Variants in RPS6KC1 observed in about 807,000 individuals in gnomAD.
The protein encoded by RPS6KC1 is ribosomal protein S6 kinase C1.
RPS6KC1 carries 54 observed loss-of-function variants against 103.8 expected under a neutral mutation model. The observed-to-expected ratio is 0.52, with a 90% CI of 0.42 to 0.65. The LOEUF is 0.65. Among genes scored for constraint, RPS6KC1 ranks in the 30% least tolerant of loss-of-function variants. RPS6KC1 has a pLI of 0.00. For synonymous variants in RPS6KC1, 439 were observed against 438.7 expected, an observed-to-expected ratio of 1.00 and a Z score of -0.01; for missense variants, 1,151 against 1,253.8, an observed-to-expected ratio of 0.92 and a Z score of 1.24.
At chr1:213,052,658 A>T (rs2077046775) in intron 1 of RPS6KC1, among the ~76,000 whole-genome samples, 1 of 152,006 alleles carries the variant, frequency 6.6e-6, no homozygotes, top group South Asian at 2.1e-4. Context: ...CTCCTACCTC[A>T]GCCTCCCGAG....
the RPS6KC1 span, among the ~76,000 whole-genome samples, chr1:213,314,329 C>T: frequency 0.037 from 5,692 of 152,328 alleles, 140 homozygotes; most frequent in Middle Eastern, 0.065. Flanking sequence ...GAGGTTAGGA[C>T]TTCAACATAG....
intron 10 of RPS6KC1, among the ~76,000 whole-genome samples, chr1:213,237,254 A>G (rs2094242806): frequency 6.6e-6 from 1 of 152,130 alleles, no homozygotes; most frequent in Non-Finnish European, 1.5e-5. Context: ...GTGAATGTAA[A>G]TGCTGGCTCA....
intron 11 of RPS6KC1, 94 bp downstream of exon 11, chr1:213,242,391 C>G: frequency 7.1e-7 from 1 of 1,403,160 alleles, no homozygotes; most frequent in South Asian, 1.2e-5. Flanking sequence ...TCTTCATTTC[C>G]TGTCTAGAGC....
Position 213,189,536 on chromosome 1 carries a change from A to G in RPS6KC1, c.1044+13044A>G, listed in dbSNP as rs11120099. On this transcript the variant is annotated intron_variant, in intron 8 of 14. Coordinates refer to ENST00000366960, the MANE Select transcript of RPS6KC1 (RefSeq NM_012424.6). The stretch of plus-strand genomic sequence containing the variant: ...TTTTTAATTTTTGTGGGTACATAGT[A>G]GGTGTATGAATTTATGGGTTATATG... 3.5e-3 allele frequency among the ~76,000 whole-genome samples: 531 copies of G among 151,592 alleles called. 3 individuals are homozygous for G. Among genetic ancestry groups the G allele is most frequent in the African/African-American group, 0.012 (500 of 41,330 alleles).
chr1:213,713,493 G>A, the RPS6KC1 span, among the ~76,000 whole-genome samples: 1 of 152,230 alleles, frequency 6.6e-6, no homozygotes, highest in East Asian at 1.9e-4. Context: ...ATCAACATTA[G>A]TAAATGCTGT....
At chr1:213,588,035 G>A in the RPS6KC1 span, among the ~76,000 whole-genome samples, 1 of 152,154 alleles carries the variant, frequency 6.6e-6, no homozygotes, top group African/African-American at 2.4e-5. Context: ...CCTCATAGAT[G>A]GCCCTTTGTC....
At chr1:213,433,157 A>G in the RPS6KC1 span, among the ~76,000 whole-genome samples, 1 of 152,176 alleles carries the variant, frequency 6.6e-6, no homozygotes, top group Non-Finnish European at 1.5e-5. Context: ...GAGGTTAACC[A>G]CGTTCCTAGC....
At chr1:213,080,900 A>G (rs1254862558) in intron 3 of RPS6KC1, among the ~76,000 whole-genome samples, 1 of 152,246 alleles carries the variant, frequency 6.6e-6, no homozygotes. Context: ...AATATTGTTC[A>G]TTATAACACC....
At chr1:213,631,039 C>A in the RPS6KC1 span, among the ~76,000 whole-genome samples, 8 of 152,090 alleles carry the variant, frequency 5.3e-5, no homozygotes, top group Admixed American at 3.3e-4. Context: ...CCTGGTGTGC[C>A]GTTTGCTAAG....
intron 8 of RPS6KC1, among the ~76,000 whole-genome samples, chr1:213,189,668 C>A (rs531524738): frequency 6.6e-6 from 1 of 152,178 alleles, no homozygotes; most frequent in African/African-American, 2.4e-5. Flanking sequence ...CAGTTATATT[C>A]TTTTAGTTAT....
chr1:213,173,396 TTCA>T (rs1257967372), intron 7 of RPS6KC1, among the ~76,000 whole-genome samples: 1 of 152,218 alleles, frequency 6.6e-6, no homozygotes. Context: ...AATCACTGTT[TTCA>T]TTGGGTTATT....
chr1:213,230,511 G>T lies in RPS6KC1; in HGVS notation c.1059G>T (p.Met353Ile). 6.2e-7 allele frequency: 1 copy of T among 1,603,834 alleles called. No homozygotes were observed. Among genetic ancestry groups the T allele is most frequent in the South Asian group, 1.1e-5 (1 of 90,088 alleles). Residue 353 changes from methionine to isoleucine, a missense_variant, in exon 9 of 15, where the codon ATG (methionine) becomes ATT (isoleucine). Transcript: ENST00000366960. ...LGVIDKVLLV[M>I]DTRTEQTFIL... Reference sequence around the variant, plus strand: ...CTTTTATGTAGGTTTTACTTGTAATGGACACAAGGACAGAACAGACTTTCA... The same window carrying T: ...CTTTTATGTAGGTTTTACTTGTAATTGACACAAGGACAGAACAGACTTTCA...
the RPS6KC1 span, among the ~76,000 whole-genome samples, chr1:213,292,645 T>A: frequency 6.6e-6 from 1 of 152,206 alleles, no homozygotes; most frequent in Admixed American, 6.5e-5. Flanking sequence ...GGTTGAGGGT[T>A]TTTAAAGATT....
chr1:213,484,981 G>A, the RPS6KC1 span, among the ~76,000 whole-genome samples: 4 of 152,128 alleles, frequency 2.6e-5, no homozygotes, highest in Non-Finnish European at 5.9e-5. Context: ...TCCTATTTCA[G>A]CCTCCCAAGT....
At chr1:213,157,575 C>T (rs1332612199) in intron 6 of RPS6KC1, among the ~76,000 whole-genome samples, 1 of 152,160 alleles carries the variant, frequency 6.6e-6, no homozygotes, top group African/African-American at 2.4e-5. Flanking sequence ...AATTATTTTA[C>T]ATTTATTGAG....
At chr1:213,135,369 AC>A (rs2086160245) in intron 6 of RPS6KC1, among the ~76,000 whole-genome samples, 1 of 152,118 alleles carries the variant, frequency 6.6e-6, no homozygotes, top group Admixed American at 6.6e-5. Context: ...GAAAAGAGGG[AC>A]TGCTTATTGA....
intron 8 of RPS6KC1, among the ~76,000 whole-genome samples, chr1:213,198,909 C>G (rs1262006085): frequency 6.6e-6 from 1 of 152,162 alleles, no homozygotes; most frequent in East Asian, 1.9e-4. Flanking sequence ...GTCCCCTCAA[C>G]ATACATCCAC....
chr1:213,389,249 A>G, the RPS6KC1 span, among the ~76,000 whole-genome samples: 1 of 152,202 alleles, frequency 6.6e-6, no homozygotes, highest in African/African-American at 2.4e-5. Flanking sequence ...GGGGTATTAA[A>G]AAGACAGGCC....
chr1:213,147,482 C>G (rs1014477431), intron 6 of RPS6KC1, among the ~76,000 whole-genome samples: 1 of 152,108 alleles, frequency 6.6e-6, no homozygotes, highest in African/African-American at 2.4e-5. Context: ...TTCTTGGCAC[C>G]TTTGTCGAAA....
Sources: gnomAD v4.1 joint callset for allele counts (sites outside exome capture counted in the v4.1 genomes callset) on GRCh38, gnomAD v4.1.1 for gene constraint, MANE v1.5 for transcripts, NCBI Gene and HGNC (gene_info 2026-07-23, HGNC 2026-07-21) for gene names.